The following PCSK6 variants were observed in gnomAD, a reference collection of about 807,000 sequenced individuals.
The protein encoded by PCSK6 is proprotein convertase subtilisin/kexin type 6.
Under a neutral mutation model 123.3 loss-of-function variants are expected in PCSK6, and 85 were observed. That is an observed-to-expected ratio of 0.69 (90% CI 0.58 to 0.83). The LOEUF (loss-of-function observed/expected upper bound fraction) is 0.83, where lower values mean the gene tolerates loss of function less well. Ranked by LOEUF, PCSK6 falls within the 40% of genes least tolerant of loss-of-function variation. The pLI, the probability that PCSK6 is intolerant of heterozygous loss-of-function variation, is 0.00. For missense variants in PCSK6, 1,191 were observed against 1,282.3 expected (o/e 0.93, Z 1.09); for synonymous variants, 508 against 516.0 (o/e 0.98, Z 0.21).
intron 1 of PCSK6, among the ~76,000 whole-genome samples, chr15:101,445,234 G>A (rs1423531212): frequency 6.6e-6 from 1 of 152,164 alleles, no homozygotes; most frequent in Non-Finnish European, 1.5e-5. Flanking sequence ...TCCCTTCTCT[G>A]GGTCTGGGAT....
At chr15:101,357,380 A>T (rs1357818792) in intron 13 of PCSK6, among the ~76,000 whole-genome samples, 1 of 152,222 alleles carries the variant, frequency 6.6e-6, no homozygotes, top group Non-Finnish European at 1.5e-5. Flanking sequence ...GATGCTGACG[A>T]TGCTGACCAG....
chr15:101,461,296 T>C (rs752779006), intron 1 of PCSK6, among the ~76,000 whole-genome samples: 10 of 152,174 alleles, frequency 6.6e-5, no homozygotes, highest in Non-Finnish European at 1.3e-4. Context: ...AATTGTAATT[T>C]ATGAAACCAC....
At chr15:101,379,927 T>C (rs1426179675) in intron 11 of PCSK6, among the ~76,000 whole-genome samples, 1 of 152,146 alleles carries the variant, frequency 6.6e-6, no homozygotes, top group Non-Finnish European at 1.5e-5. Flanking sequence ...CTCTGCTTGG[T>C]AACACCCCTC....
chr15:101,322,507 G>A lies in PCSK6; in HGVS notation c.2465+13C>T, dbSNP rs201129987. 1.4e-5 allele frequency: 22 copies of A among 1,588,216 alleles called. No homozygotes were observed. Among genetic ancestry groups the A allele is most frequent in the Middle Eastern group, 1.7e-4 (1 of 6,008 alleles). On this transcript the variant is annotated intron_variant, in intron 18 of 21. Coordinates refer to ENST00000611716, the MANE Select transcript of PCSK6 (RefSeq NM_002570.5). The stretch of plus-strand genomic sequence containing the variant: ...ACCGCCCTGACATTCCTCAGGTTTC[G>A]AGGGGGTTTTACCTGAATCCTTCTT...
At chr15:101,483,849 G>A (rs979547699) in intron 1 of PCSK6, among the ~76,000 whole-genome samples, 39 of 152,210 alleles carry the variant, frequency 2.6e-4, no homozygotes, top group Non-Finnish European at 1.9e-4. Flanking sequence ...CAAGTGGATC[G>A]GCCCAGTCTG....
At position 101,370,327 on chromosome 15, in the gene PCSK6, C is replaced by T. The variant is rs750656202; in HGVS notation, c.1721+8G>A. 1.5e-4 allele frequency: 223 copies of T among 1,518,214 alleles called. 1 individual carries two copies. The highest frequency in any genetic ancestry group is 1.8e-4 in the Non-Finnish European group (198 of 1,128,714). The allele number at this position is 1,518,214 out of a possible 1,614,324, so 94.0% of individuals were successfully genotyped here. A position where few individuals can be genotyped will look rare whatever the true frequency, so the allele number is the denominator to read the frequency against. ...CCAGACCCCATCCCCACGCCTGCCT[C>T]GCCTTACCTCTTTGCCAGAAGTTGA... On this transcript the variant is annotated splice_region_variant and intron_variant, in intron 12 of 21. Transcript: ENST00000611716.
intron 1 of PCSK6, chr15:101,462,923 A>G (rs2057371234): frequency 4.6e-6 from 2 of 439,162 alleles, no homozygotes; most frequent in South Asian, 1.6e-5. Context: ...TCTGTGGAGA[A>G]AGGTCACCAG....
chr15:101,482,790 G>C (rs2057923005), intron 1 of PCSK6, among the ~76,000 whole-genome samples: 1 of 100,118 alleles, frequency 1.0e-5, no homozygotes, highest in African/African-American at 3.7e-5. Flanking sequence ...CTGATTCTGA[G>C]TCTGCTCCTG....
rs768681291 is a variant in PCSK6, at chr15:101,382,102, T to C, written c.1522A>G (p.Lys508Glu). 9.3e-6 allele frequency: 15 copies of C among 1,605,742 alleles called. No individual in the cohort carries two copies. The highest frequency in any genetic ancestry group is 1.3e-5 in the Non-Finnish European group (15 of 1,176,038). Residue 508 changes from lysine (K) to glutamate (E), a missense_variant, in exon 11 of 22, where the codon AAG becomes GAG. Physicochemically the swap from Lys to Glu is moderately conservative, Grantham distance 56 (BLOSUM62 1). Coordinates refer to ENST00000611716, the MANE Select transcript of PCSK6 (RefSeq NM_002570.5). ...ACAGCAGAGCCTTACCTGGGTCTCT[T>C]GTCCGAGGCGGCCACACACATGTGC... Reference protein sequence around the residue: ...SQHMCVAASDKRPRSIPLVQV... With the variant: ...SQHMCVAASDERPRSIPLVQV...
chr15:101,483,944 C>T (rs192336972), intron 1 of PCSK6, among the ~76,000 whole-genome samples: 7 of 152,310 alleles, frequency 4.6e-5, no homozygotes, highest in East Asian at 1.9e-4. Flanking sequence ...AAGCACCATG[C>T]GGTAGGTGTA....
intron 16 of PCSK6, among the ~76,000 whole-genome samples, chr15:101,325,610 T>G (rs947105996): frequency 6.6e-6 from 1 of 152,206 alleles, no homozygotes; most frequent in African/African-American, 2.4e-5. Flanking sequence ...CATCGTGGCC[T>G]CTGAGGCCTG....
intron 13 of PCSK6, chr15:101,347,216 A>G (rs2040757348): frequency 1.6e-6 from 2 of 1,231,912 alleles, no homozygotes; most frequent in Middle Eastern, 3.1e-4. Context: ...AGCATCAAGC[A>G]CAGGATAGAT....
chr15:101,350,721 G>A (rs1164348698), intron 13 of PCSK6, among the ~76,000 whole-genome samples: 2 of 152,186 alleles, frequency 1.3e-5, no homozygotes, highest in South Asian at 2.1e-4. Flanking sequence ...AGCATAAAGA[G>A]GAGCTGGGAC....
At chr15:101,326,505 A>T in intron 15 of PCSK6, 26 bp from the exon 16 acceptor site, 1 of 1,544,708 alleles carries the variant, frequency 6.5e-7, no homozygotes, top group Non-Finnish European at 8.8e-7. Context: ...ATTGCCTTTC[A>T]TCCAGAGAGA....
intron 2 of PCSK6, among the ~76,000 whole-genome samples, chr15:101,433,490 T>C (rs893595719): frequency 1.3e-5 from 2 of 152,164 alleles, no homozygotes; most frequent in Admixed American, 6.5e-5. Flanking sequence ...GGGATAAGGA[T>C]GGGCGCCAGG....
intron 1 of PCSK6, among the ~76,000 whole-genome samples, chr15:101,459,078 C>G (rs1482646495): frequency 6.6e-6 from 1 of 152,166 alleles, no homozygotes; most frequent in African/African-American, 2.4e-5. Context: ...GAAACCCTCT[C>G]CAGGCCACCT....
rs755692737 is a variant in PCSK6, at chr15:101,429,955, A to G, written c.734+32T>C. ...ATAGTGACGCTGCAGGGAGGGGAAG[A>G]GAAGCCGGGGAGATGAGGCGAGGTG... On this transcript the variant is annotated intron_variant, in intron 5 of 21. Coordinates refer to ENST00000611716, the MANE Select transcript of PCSK6 (RefSeq NM_002570.5). The G allele has an allele frequency of 5.3e-5, 82 of 1,559,334 alleles. No individual in the cohort carries two copies. In the Admixed American group the frequency reaches 1.3e-3, roughly 25 times the overall value.
chr15:101,457,949 T>C (rs1045465276), intron 1 of PCSK6, among the ~76,000 whole-genome samples: 1 of 152,234 alleles, frequency 6.6e-6, no homozygotes, highest in Admixed American at 6.5e-5. Context: ...TCACATTCCA[T>C]CTGATGTTTG....
chr15:101,488,940 G>T (rs1027950250), intron 1 of PCSK6, among the ~76,000 whole-genome samples: 1 of 150,104 alleles, frequency 6.7e-6, no homozygotes, highest in African/African-American at 2.4e-5. Flanking sequence ...CGAGGGCAGA[G>T]GGGCCGCTCC....
Sources: gnomAD v4.1 joint callset for allele counts (sites outside exome capture counted in the v4.1 genomes callset) on GRCh38, gnomAD v4.1.1 for gene constraint, MANE v1.5 for transcripts, NCBI Gene and HGNC (gene_info 2026-07-23, HGNC 2026-07-21) for gene names.